Variants in SPTBN4 observed in about 807,000 individuals in gnomAD.
SPTBN4 encodes spectrin beta, non-erythrocytic 4, also known as spectrin beta chain, non-erythrocytic 4.
In SPTBN4, 96 loss-of-function variants were observed where a neutral mutation model predicts 277.8. That is an observed-to-expected ratio of 0.35 (90% confidence interval 0.29 to 0.41). The LOEUF is 0.41. Among genes scored for constraint, SPTBN4 ranks in the 10% least tolerant of loss-of-function variants. The pLI, the probability that SPTBN4 is intolerant of heterozygous loss-of-function variation, is 1.00. For missense variants in SPTBN4, 3,006 were observed against 3,595.7 expected (o/e 0.84, Z 4.19); for synonymous variants, 1,481 against 1,580.3 (o/e 0.94, Z 1.49).
At chr19:40,478,674 T>C (rs2079975622) in intron 2 of SPTBN4, among the ~76,000 whole-genome samples, 3 of 151,890 alleles carry the variant, frequency 2.0e-5, no homozygotes, top group Admixed American at 2.0e-4. Context: ...GCCTCCCGAG[T>C]AGTTGGTATT....
intron 6 of SPTBN4, among the ~76,000 whole-genome samples, chr19:40,497,072 C>CAAA (rs35856852): frequency 3.2e-4 from 19 of 59,508 alleles, no homozygotes; most frequent in Middle Eastern, 7.8e-3. Flanking sequence ...GACTCCATCT[C>CAAA]AAAAAAAAAA....
intron 12 of SPTBN4, 121 bp from the exon 13 acceptor site, chr19:40,506,115 C>T (rs926647214): frequency 3.7e-6 from 5 of 1,359,380 alleles, no homozygotes; most frequent in Non-Finnish European, 4.9e-6. Flanking sequence ...CCATATCTCT[C>T]CAAGAGGGTC....
intron 20 of SPTBN4, among the ~76,000 whole-genome samples, chr19:40,536,345 C>A (rs2080735844): frequency 2.6e-5 from 4 of 152,268 alleles, no homozygotes; most frequent in Admixed American, 2.0e-4. Context: ...TCCTGAGTAG[C>A]TGGGATTACA....
chr19:40,517,923 C>T (rs1047653823), intron 15 of SPTBN4, among the ~76,000 whole-genome samples: 2 of 152,144 alleles, frequency 1.3e-5, no homozygotes, highest in African/African-American at 4.8e-5. Flanking sequence ...TAATCTCTGT[C>T]CTCATGGTGT....
chr19:40,562,372 A>G (rs1350737955), intron 27 of SPTBN4, among the ~76,000 whole-genome samples: 1 of 152,018 alleles, frequency 6.6e-6, no homozygotes, highest in African/African-American at 2.4e-5. Context: ...TCTACTAAAA[A>G]TACAAAAATT....
chr19:40,469,700 G>A (rs1199981941), intron 1 of SPTBN4, among the ~76,000 whole-genome samples: 2 of 151,722 alleles, frequency 1.3e-5, no homozygotes. Flanking sequence ...CTAGAGTGCA[G>A]TGGTGCGATC....
In SPTBN4 at chr19:40,549,211, A is replaced by T; in HGVS notation, c.4382A>T (p.Glu1461Val). Residue 1461 changes from glutamate (E) to valine (V), a missense_variant, in exon 21 of 36, where the codon GAG (glutamate) becomes GTG (valine). Physicochemically the swap from Glu to Val is moderately radical, Grantham distance 121. This residue lies in a region of SPTBN4 where 1,759 missense variants were observed against 2,061.5 expected (regional missense o/e 0.85). Coordinates refer to ENST00000598249, the MANE Select transcript of SPTBN4 (RefSeq NM_020971.3). The part of the protein sequence containing the change: ...KLQSMESQVE[E>V]WYREVGELQA... ...CAGTCCATGGAGTCGCAGGTGGAGG[A>T]GTGGTACCGCGAGGTGGGAGAGCTG... 1 of 1,547,124 alleles carries T rather than the reference A, an allele frequency of 6.5e-7. No homozygotes were observed. The highest frequency in any genetic ancestry group is 8.7e-7 in the Non-Finnish European group (1 of 1,146,676).
Position 40,566,156 on chromosome 19 carries a change from T to A in SPTBN4, c.6140-7T>A. 6.7e-7 allele frequency: 1 copy of A among 1,499,392 alleles called. No individual in the cohort carries two copies. The highest frequency in any genetic ancestry group is 8.9e-7 in the Non-Finnish European group (1 of 1,118,048). The allele number at this position is 1,499,392 out of a possible 1,614,324, so 92.9% of individuals were successfully genotyped here. On this transcript the variant is annotated splice_region_variant and splice_polypyrimidine_tract_variant and intron_variant, in intron 29 of 35. Transcript: ENST00000598249. Reference sequence around the variant, plus strand: ...CCAGAATCCTTACCCTGCATGCCCCTCCTCAGTGCTGGAGGTGCACCAGTT... The same window carrying A: ...CCAGAATCCTTACCCTGCATGCCCCACCTCAGTGCTGGAGGTGCACCAGTT...
Position 40,534,128 on chromosome 19 carries a change from C to A in SPTBN4, c.4144C>A (p.Arg1382=). ...GAAGCCCGAACTGGCGGCCTCCGTG[C>A]GGAAGAAGCTGGGCGAGATCCGCCA... ...QEKPELAASV[R]KKLGEIRQCW... is the part of the protein sequence containing the mutation. Residue 1382 remains arginine (R), a synonymous_variant, in exon 20 of 36, where the codon CGG becomes AGG. Coordinates refer to ENST00000598249, the MANE Select transcript of SPTBN4 (RefSeq NM_020971.3). The A allele has an allele frequency of 6.2e-7, 1 of 1,611,142 alleles. No individual in the cohort carries two copies. The highest frequency in any genetic ancestry group is 1.7e-5 in the Admixed American group (1 of 59,800).
At chr19:40,517,653 C>T (rs1284339888) in intron 15 of SPTBN4, among the ~76,000 whole-genome samples, 2 of 152,158 alleles carry the variant, frequency 1.3e-5, no homozygotes, top group Non-Finnish European at 2.9e-5. Flanking sequence ...ATTTTAAAAC[C>T]TCTGTAGCCA....
chr19:40,480,680 G>C (rs950599028), intron 2 of SPTBN4, among the ~76,000 whole-genome samples: 1 of 152,172 alleles, frequency 6.6e-6, no homozygotes, highest in Non-Finnish European at 1.5e-5. Context: ...TTGCTGTATA[G>C]TGTTGCGTGG....
chr19:40,491,201 G>A (rs969335755), intron 4 of SPTBN4, among the ~76,000 whole-genome samples: 1 of 152,194 alleles, frequency 6.6e-6, no homozygotes, highest in African/African-American at 2.4e-5. Context: ...AAGAGAGAAT[G>A]CATTCCAGGC....
intron 32 of SPTBN4, among the ~76,000 whole-genome samples, chr19:40,569,957 CACACACACACACACACAG>C (rs1381835945): frequency 6.1e-5 from 9 of 148,456 alleles, no homozygotes; most frequent in Admixed American, 2.0e-4. Context: ...CACACACACA[CACACACACACACACACAG>C]ACACACACAC....
rs1046066471 is a variant in SPTBN4, at chr19:40,574,031, G to A, written c.7537-1380G>A. 2.6e-5 allele frequency among the ~76,000 whole-genome samples: 4 copies of A among 152,274 alleles called. No homozygotes were observed. The South Asian group carries it at 8.3e-4, about 32-fold the overall frequency. On this transcript the variant is annotated intron_variant, in intron 35 of 35. Coordinates refer to ENST00000598249, the MANE Select transcript of SPTBN4 (RefSeq NM_020971.3). ...GCAGAAGAATGGCTTGAACCCGGGA[G>A]GTGGAGCTTGCAGTGAGCTGAGATT...
At chr19:40,491,614 C>T (rs564768043) in intron 4 of SPTBN4, among the ~76,000 whole-genome samples, 69 of 148,274 alleles carry the variant, frequency 4.7e-4, no homozygotes, top group South Asian at 1.1e-3. Context: ...TCATGGTGCA[C>T]GCCTGTAATC....
At chr19:40,561,117 G>T (rs557561889) in intron 27 of SPTBN4, among the ~76,000 whole-genome samples, 4 of 152,156 alleles carry the variant, frequency 2.6e-5, no homozygotes, top group Non-Finnish European at 5.9e-5. Context: ...AGGTTCAAGC[G>T]ATTCTCCTGC....
intron 33 of SPTBN4, 128 bp downstream of exon 33, chr19:40,570,856 G>A (rs2081149440): frequency 1.9e-6 from 2 of 1,040,338 alleles, no homozygotes; most frequent in South Asian, 1.9e-5. Context: ...TAGTAGGTGG[G>A]GCCAGAGCTG....
intron 2 of SPTBN4, 67 bp downstream of exon 2, chr19:40,472,857 G>C: frequency 6.9e-7 from 1 of 1,452,074 alleles, no homozygotes; most frequent in Non-Finnish European, 9.2e-7. Flanking sequence ...CGAGAACCTT[G>C]GTGGCTGGGA....
chr19:40,474,543 C>T (rs2079925409), intron 2 of SPTBN4, among the ~76,000 whole-genome samples: 1 of 151,794 alleles, frequency 6.6e-6, no homozygotes, highest in Non-Finnish European at 1.5e-5. Flanking sequence ...GATCCTCCCA[C>T]CTCAGCCTCC....
Sources: allele counts gnomAD v4.1 joint callset (sites outside exome capture counted in the v4.1 genomes callset), GRCh38; gene constraint gnomAD v4.1.1; regional missense constraint gnomAD v4.1.1; transcripts MANE v1.5; gene names NCBI Gene and HGNC (gene_info 2026-07-23, HGNC 2026-07-21).